The following ARL1 variants were observed in gnomAD, a reference collection of about 807,000 sequenced individuals.
ARL1 encodes the protein ADP-ribosylation factor-like protein 1.
A neutral mutation model predicts 30.1 loss-of-function variants in ARL1; 17 were observed. The ratio of observed to expected loss-of-function variants is 0.56; its 90% CI spans 0.39 to 0.85. The LOEUF (loss-of-function observed/expected upper bound fraction) is 0.85. Among genes scored for constraint, ARL1 ranks in the 40% least tolerant of loss-of-function variants. The pLI, the probability that ARL1 is intolerant of heterozygous loss-of-function variation, is 0.00. For synonymous variants in ARL1, 58 were observed against 71.7 expected (o/e 0.81, Z 0.97); for missense variants, 102 against 212.6 (o/e 0.48, Z 3.24).
chr12:101,401,100 T>C lies in ARL1; in HGVS notation c.298A>G (p.Ile100Val). ...ACTAACTCTGATTTGGAAATGCCAA[T>C]TCGGTCTCGGTCACAACTGTCTACT... The part of the protein sequence containing the change: ...YVVDSCDRDR[I>V]GISKSELVAM... Residue 100 changes from isoleucine to valine, a missense_variant, in exon 4 of 6, where the codon ATT becomes GTT. Transcript: ENST00000261636. 1 of 1,613,936 alleles carries C rather than the reference T, an allele frequency of 6.2e-7. No homozygotes were observed. Among genetic ancestry groups the C allele is most frequent in the Admixed American group, 1.7e-5 (1 of 60,016 alleles).
Position 101,396,388 on chromosome 12 carries a change from ATGAT to A in ARL1, c.515+7_515+10del, listed in dbSNP as rs1565814311. 6.2e-7 allele frequency: 1 copy of A among 1,614,066 alleles called. No individual in the cohort carries two copies. The highest frequency in any genetic ancestry group is 1.7e-5 in the Admixed American group (1 of 60,026). On this transcript the variant is annotated splice_region_variant and intron_variant, in intron 5 of 5. Transcript: ENST00000261636. The stretch of plus-strand genomic sequence containing the variant: ...AAATGCACAGATGGCTTCTGGAAGC[ATGAT>A]ACTTGCCATTCCATTGCCTCATCAA...
intron 4 of ARL1, among the ~76,000 whole-genome samples, chr12:101,398,859 T>C (rs1240850398): frequency 1.3e-5 from 2 of 152,330 alleles, no homozygotes; most frequent in East Asian, 3.9e-4. Context: ...TTTTACTTCT[T>C]TCTCTGTAAG....
rs1168565932 is a variant in ARL1, at chr12:101,407,681, G to T, written c.-36C>A. ...CTGTCCTCCCTCGCCGATCTTCAGTGATTCCTTGGCCTTCGGCTGCAGCTC... is the reference window on the plus strand; with the variant it reads ...CTGTCCTCCCTCGCCGATCTTCAGTTATTCCTTGGCCTTCGGCTGCAGCTC... On this transcript the variant is annotated 5_prime_UTR_variant, in exon 1 of 6. Coordinates refer to ENST00000261636, the MANE Select transcript of ARL1 (RefSeq NM_001177.6). 1.2e-6 allele frequency: 2 copies of T among 1,612,234 alleles called. No individual in the cohort carries two copies. Among genetic ancestry groups the T allele is most frequent in the Non-Finnish European group, 8.5e-7 (1 of 1,179,752 alleles).
At chr12:101,407,789 G>T (rs1871492666), upstream of ARL1, 10 of 1,210,398 alleles carry the variant, frequency 8.3e-6, no homozygotes, top group Non-Finnish European at 1.1e-5. Flanking sequence ...GGTCAGCTGC[G>T]ACTGCGCGCC....
At chr12:101,396,620 C>G in intron 4 of ARL1, 43 bp from the exon 5 acceptor site, 1 of 1,531,228 alleles carries the variant, frequency 6.5e-7, no homozygotes, top group Non-Finnish European at 8.9e-7. Context: ...AACTAATGTG[C>G]TCTCTCGAGT....
chr12:101,395,816 A>G (rs369117656), intron 5 of ARL1, 146 bp from the exon 6 acceptor site: 6 of 594,748 alleles, frequency 1.0e-5, no homozygotes, highest in Non-Finnish European at 1.8e-5. Context: ...CTAGATATCC[A>G]TAAGGTTCCT....
intron 2 of ARL1, among the ~76,000 whole-genome samples, chr12:101,405,099 G>A (rs562634406): frequency 3.7e-4 from 56 of 152,210 alleles, no homozygotes; most frequent in Non-Finnish European, 6.8e-4. Context: ...TCCAACTCCC[G>A]ACCTCAGGTG....
chr12:101,407,778 G>C, upstream of ARL1: 2 of 1,348,928 alleles, frequency 1.5e-6, no homozygotes, highest in Non-Finnish European at 2.1e-6. Context: ...GCGGGAGCGA[G>C]GGTCAGCTGC....
rs1319358434 is a variant in ARL1, at chr12:101,393,457, T to C, written c.*2183A>G. Reference sequence around the variant, plus strand: ...GGAGTGGCCATTTGCACCTATGTTCTGATTTCAAGTTTGGTGTTTTACCCA... The same window carrying C: ...GGAGTGGCCATTTGCACCTATGTTCCGATTTCAAGTTTGGTGTTTTACCCA... On this transcript the variant is annotated 3_prime_UTR_variant, in exon 6 of 6. Coordinates refer to ENST00000261636, the MANE Select transcript of ARL1 (RefSeq NM_001177.6). The C allele has an allele frequency of 6.6e-6, 1 of 152,232 alleles. No individual in the cohort carries two copies. Among genetic ancestry groups the C allele is most frequent in the Non-Finnish European group, 1.5e-5 (1 of 68,050 alleles). 9.4% of individuals were successfully genotyped at this position (152,232 alleles called of 1,614,324 possible). A position where few individuals can be genotyped will look rare whatever the true frequency, so the allele number is the denominator to read the frequency against.
chr12:101,394,373 T>C lies in ARL1; in HGVS notation c.*1267A>G, dbSNP rs1871090846. ...AGAAATTCACCCTGTTTTTAGCAAT[T>C]ATGACGCACTATATTTACTTCTGTC... On this transcript the variant is annotated 3_prime_UTR_variant, in exon 6 of 6. Coordinates refer to ENST00000261636, the MANE Select transcript of ARL1 (RefSeq NM_001177.6). 1 of 152,248 alleles carries C rather than the reference T, an allele frequency of 6.6e-6. No individual in the cohort carries two copies. The highest frequency in any genetic ancestry group is 6.5e-5 in the Admixed American group (1 of 15,288). The allele number at this position is 152,248 out of a possible 1,614,324, so 9.4% of individuals were successfully genotyped here.
Position 101,396,466 on chromosome 12 carries a change from C to G in ARL1, c.448G>C (p.Asp150His), listed in dbSNP as rs1261457288. Residue 150 changes from aspartate (D) to histidine (H), a missense_variant, in exon 5 of 6, where the codon GAC (aspartate) becomes CAC (histidine). By Grantham distance (81) the Asp-to-His change is moderately conservative. Coordinates refer to ENST00000261636, the MANE Select transcript of ARL1 (RefSeq NM_001177.6). The part of the protein sequence containing the change: ...ANSLGLPALK[D>H]RKWQIFKTSA... ...GTTTTGAATATCTGCCATTTTCGGT[C>G]CTTCAAGGCAGGTAACCCAAGTGAA... is the stretch of plus-strand genomic sequence containing the variant. The G allele has an allele frequency of 2.5e-6, 4 of 1,613,862 alleles. No homozygotes were observed. In the South Asian group the frequency reaches 4.4e-5, roughly 18 times the overall value.
At chr12:101,403,292 TA>T (rs1235046539) in intron 2 of ARL1, 4 of 409,510 alleles carry the variant, frequency 9.8e-6, no homozygotes, top group East Asian at 7.1e-5. Context: ...TCAAATAAAT[TA>T]AAAAAAGAAT....
chr12:101,400,533 T>C (rs1220730288), intron 4 of ARL1, among the ~76,000 whole-genome samples: 1 of 152,102 alleles, frequency 6.6e-6, no homozygotes, highest in Non-Finnish European at 1.5e-5. Flanking sequence ...AAGGCAGCCA[T>C]GCAAAGATGC....
intron 4 of ARL1, among the ~76,000 whole-genome samples, chr12:101,399,977 T>C (rs910592391): frequency 2.6e-5 from 4 of 152,094 alleles, no homozygotes; most frequent in Admixed American, 2.0e-4. Context: ...ACCCAGGCTG[T>C]AGTGCAGGGG....
chr12:101,401,202 ATTG>A, intron 3 of ARL1, 29 bp from the exon 4 acceptor site: 1 of 1,475,004 alleles, frequency 6.8e-7, no homozygotes, highest in South Asian at 1.2e-5. Context: ...GGGAGAACAT[ATTG>A]TTATTGTTTT....
chr12:101,396,433 T>C lies in ARL1; in HGVS notation c.481A>G (p.Thr161Ala), dbSNP rs981097493. Residue 161 changes from threonine to alanine, a missense_variant, in exon 5 of 6, where the codon ACC becomes GCC. Physicochemically the swap from Thr to Ala is moderately conservative, Grantham distance 58. Transcript: ENST00000261636. Reference protein sequence around the residue: ...RKWQIFKTSATKGTGLDEAME... With the variant: ...RKWQIFKTSAAKGTGLDEAME... ...GCCTCATCAAGGCCGGTGCCTTTGG[T>C]TGCTGACGTTTTGAATATCTGCCAT... 3 of 1,614,032 alleles carry C rather than the reference T, an allele frequency of 1.9e-6. No individual in the cohort carries two copies. The highest frequency in any genetic ancestry group is 2.5e-6 in the Non-Finnish European group (3 of 1,179,898).
rs529528303 is a variant in ARL1, at chr12:101,394,287, G to C, written c.*1353C>G. ...TTTCTGAGACCTGCAGGGAACCATG[G>C]TATTAAGCTCTCATTACCAGCACCT... On this transcript the variant is annotated 3_prime_UTR_variant, in exon 6 of 6. Transcript: ENST00000261636. 333 of 152,294 alleles carry C rather than the reference G, an allele frequency of 2.2e-3. 1 individual carries two copies. The highest frequency in any genetic ancestry group is 7.4e-3 in the African/African-American group (309 of 41,576). The allele number at this position is 152,294 out of a possible 1,614,324, so 9.4% of individuals were successfully genotyped here.
intron 1 of ARL1, among the ~76,000 whole-genome samples, chr12:101,406,187 T>C (rs1425538295): frequency 6.6e-6 from 1 of 152,230 alleles, no homozygotes; most frequent in Non-Finnish European, 1.5e-5. Context: ...TTAGTTATGT[T>C]ACTATTGTGT....
intron 3 of ARL1, among the ~76,000 whole-genome samples, chr12:101,402,424 T>C (rs1332532083): frequency 6.6e-6 from 1 of 152,194 alleles, no homozygotes; most frequent in African/African-American, 2.4e-5. Context: ...CCTGACCTGA[T>C]GATCCGCCCA....
Sources: allele counts gnomAD v4.1 joint callset (sites outside exome capture counted in the v4.1 genomes callset), GRCh38; gene constraint gnomAD v4.1.1; transcripts MANE v1.5; gene names NCBI Gene and HGNC (gene_info 2026-07-23, HGNC 2026-07-21).